NBAS: variants seen among roughly 807,000 people sequenced by gnomAD.
The protein encoded by NBAS is NBAS subunit of NRZ tethering complex.
In NBAS, 219 loss-of-function variants were observed where a neutral mutation model predicts 302.5. The observed-to-expected ratio is 0.72, with a 90% CI of 0.65 to 0.81. The LOEUF is 0.81. NBAS is among the 30% of genes least tolerant of loss of function. The pLI, the probability that NBAS is intolerant of heterozygous loss-of-function variation, is 0.00. For missense variants in NBAS, 2,932 were observed against 2,841.6 expected (o/e 1.03, Z -0.72); for synonymous variants, 1,118 against 1,021.6 (o/e 1.09, Z -1.80).
chr2:15,025,410 C>T, the NBAS span, among the ~76,000 whole-genome samples: 2 of 152,150 alleles, frequency 1.3e-5, no homozygotes, highest in Non-Finnish European at 2.9e-5. Flanking sequence ...ATTCTTCCAG[C>T]TTTGTTCCTT....
In NBAS at chr2:15,234,567, T is replaced by C. The variant is rs745940158; in HGVS notation, c.6124A>G (p.Met2042Val). 10 of 1,613,968 alleles carry C rather than the reference T, an allele frequency of 6.2e-6. No individual in the cohort carries two copies. In the East Asian group the frequency reaches 2.2e-4, roughly 36 times the overall value. Residue 2042 changes from methionine (M) to valine (V), a missense_variant, in exon 46 of 52, where the codon ATG becomes GTG. Coordinates refer to ENST00000281513, the MANE Select transcript of NBAS (RefSeq NM_015909.4). ...TACCTCAATGCAGAAATTATTTTCA[T>C]GATTGCACTCTGCACTATATCCTTG... Reference protein sequence around the residue: ...SPKDIVQSAIMKIISALSGGS... With the variant: ...SPKDIVQSAIVKIISALSGGS...
chr2:15,131,205 T>A, the NBAS span, among the ~76,000 whole-genome samples: 1 of 152,152 alleles, frequency 6.6e-6, no homozygotes, highest in Non-Finnish European at 1.5e-5. Context: ...TTAAAAAAAT[T>A]TTAAATGAGT....
At chr2:15,360,870 T>C (rs948430564) in intron 32 of NBAS, among the ~76,000 whole-genome samples, 1 of 152,096 alleles carries the variant, frequency 6.6e-6, no homozygotes, top group Admixed American at 6.5e-5. Context: ...AGGACCTGCC[T>C]GAGGCTATTT....
chr2:14,867,230 A>G, the NBAS span, among the ~76,000 whole-genome samples: 1 of 152,302 alleles, frequency 6.6e-6, no homozygotes, highest in Middle Eastern at 3.4e-3. Context: ...ATCTGCATTG[A>G]GCCATAGCAG....
At chr2:15,453,281 T>A (rs1679102112) in intron 21 of NBAS, among the ~76,000 whole-genome samples, 1 of 152,196 alleles carries the variant, frequency 6.6e-6, no homozygotes, top group Admixed American at 6.5e-5. Context: ...AGTTAAAGCA[T>A]GTAGAGCACA....
chr2:15,439,061 C>T (rs972021751), intron 21 of NBAS, among the ~76,000 whole-genome samples: 9 of 151,988 alleles, frequency 5.9e-5, no homozygotes, highest in East Asian at 3.9e-4. Context: ...TTTGGGAGGC[C>T]GAGGCAGGCG....
At chr2:14,939,521 C>T in the NBAS span, among the ~76,000 whole-genome samples, 1 of 152,214 alleles carries the variant, frequency 6.6e-6, no homozygotes, top group South Asian at 2.1e-4. Context: ...TAAAGGGAGT[C>T]AGACCTTCTG....
the NBAS span, among the ~76,000 whole-genome samples, chr2:14,874,836 C>G: frequency 3.3e-5 from 5 of 150,796 alleles, no homozygotes; most frequent in Non-Finnish European, 7.4e-5. Context: ...CAGGAATGCA[C>G]GTTTACTTTT....
At chr2:15,134,065 T>TCTCTCG in the NBAS span, among the ~76,000 whole-genome samples, 102 of 106,180 alleles carry the variant, frequency 9.6e-4, no homozygotes, top group African/African-American at 3.4e-3. Context: ...TTTCTCTCTC[T>TCTCTCG]CTCTCTCTCT....
At chr2:14,945,103 C>T in the NBAS span, among the ~76,000 whole-genome samples, 1 of 152,172 alleles carries the variant, frequency 6.6e-6, no homozygotes, top group Non-Finnish European at 1.5e-5. Flanking sequence ...ACCAAGCTGC[C>T]GGAGGTTTAT....
chr2:15,172,682 T>C (rs556337214), intron 51 of NBAS, among the ~76,000 whole-genome samples: 2 of 152,292 alleles, frequency 1.3e-5, no homozygotes, highest in South Asian at 4.1e-4. Flanking sequence ...GACTGGTGCT[T>C]AAGGGGCATG....
chr2:15,375,439 C>A (rs1674688630), intron 30 of NBAS, among the ~76,000 whole-genome samples: 1 of 152,160 alleles, frequency 6.6e-6, no homozygotes, highest in South Asian at 2.1e-4. Flanking sequence ...GTAACGGGCT[C>A]ATGAATGCTA....
chr2:14,782,356 A>C, the NBAS span, among the ~76,000 whole-genome samples: 3 of 152,232 alleles, frequency 2.0e-5, no homozygotes, highest in Non-Finnish European at 4.4e-5. Flanking sequence ...CATATGAGAA[A>C]AAGCTCAATA....
the NBAS span, among the ~76,000 whole-genome samples, chr2:14,998,433 C>T: frequency 1.3e-5 from 2 of 152,158 alleles, no homozygotes; most frequent in African/African-American, 2.4e-5. Flanking sequence ...TGCAACAAGA[C>T]CCTGTCTCCT....
intron 25 of NBAS, among the ~76,000 whole-genome samples, chr2:15,404,660 C>G (rs550677355): frequency 7.2e-5 from 11 of 151,748 alleles, no homozygotes; most frequent in Non-Finnish European, 1.3e-4. Flanking sequence ...TTACAGGTGC[C>G]CACAATCACA....
the NBAS span, among the ~76,000 whole-genome samples, chr2:14,855,924 A>C: frequency 6.6e-6 from 1 of 152,200 alleles, no homozygotes; most frequent in Non-Finnish European, 1.5e-5. Flanking sequence ...TTGAACACAC[A>C]TAGGCAGTAG....
chr2:15,050,903 T>C, the NBAS span, among the ~76,000 whole-genome samples: 3 of 151,876 alleles, frequency 2.0e-5, no homozygotes, highest in East Asian at 3.9e-4. Context: ...AGGGAGAGAA[T>C]GATAGAAATG....
the NBAS span, among the ~76,000 whole-genome samples, chr2:15,099,299 C>T: frequency 2.0e-5 from 3 of 151,896 alleles, no homozygotes; most frequent in Admixed American, 1.3e-4. Flanking sequence ...CTGTCTCCTC[C>T]CCGCCGACCC....
chr2:15,337,999 C>T (rs1001729847), intron 35 of NBAS, among the ~76,000 whole-genome samples: 2 of 152,142 alleles, frequency 1.3e-5, no homozygotes, highest in African/African-American at 2.4e-5. Context: ...AACATGAAAT[C>T]TCATTAATGT....
Sources: gnomAD v4.1 joint callset for allele counts (sites outside exome capture counted in the v4.1 genomes callset) on GRCh38, gnomAD v4.1.1 for gene constraint, MANE v1.5 for transcripts, NCBI Gene and HGNC (gene_info 2026-07-23, HGNC 2026-07-21) for gene names.